GPM6B: variants seen among roughly 807,000 people sequenced by gnomAD.
GPM6B encodes glycoprotein M6B, also known as neuronal membrane glycoprotein M6-b.
Under a neutral mutation model 27.2 loss-of-function variants are expected in GPM6B, and 4 were observed. The observed-to-expected ratio is 0.15, with a 90% CI of 0.07 to 0.34. GPM6B has a LOEUF of 0.34. Ranked by LOEUF, GPM6B falls within the 10% of genes least tolerant of loss-of-function variation. GPM6B has a pLI of 1.00. For synonymous variants in GPM6B, 124 were observed against 103.1 expected (o/e 1.20, Z -1.23); for missense variants, 183 against 261.9 (o/e 0.70, Z 2.08).
chrX:13,824,477 T>C (rs1485005772), intron 1 of GPM6B, among the ~76,000 whole-genome samples: 1 of 111,814 alleles, frequency 8.9e-6, no homozygotes, highest in East Asian at 2.8e-4. Flanking sequence ...AATTCCAATA[T>C]GCAGCCAACT....
Position 13,865,542 on chromosome X carries a change from CAAAAAAAAAAAAA to C in GPM6B, c.-198+72772_-198+72784del, listed in dbSNP as rs1171503867. Among the ~76,000 whole-genome samples the C allele has an allele frequency of 7.5e-4, 11 of 14,630 alleles. No homozygotes were observed. In the South Asian group the frequency reaches 0.022, roughly 29 times the overall value. The allele number at this position is 14,630 out of a possible 115,157, so 12.7% of individuals were successfully genotyped here. A position where few individuals can be genotyped will look rare whatever the true frequency, so the allele number is the denominator to read the frequency against. On this transcript the variant is annotated intron_variant, in intron 1 of 6. Coordinates refer to the GPM6B transcript ENST00000398361. ...ACCACACGGTAAAAATCCATCTCTT[CAAAAAAAAAAAAA>C]AAAAAAAGAAAGAAAGAAAGAAAAG...
intron 1 of GPM6B, among the ~76,000 whole-genome samples, chrX:13,923,930 A>G (rs1921044596): frequency 8.9e-6 from 1 of 112,084 alleles, no homozygotes; most frequent in Non-Finnish European, 1.9e-5. Context: ...AAGTAAAAAT[A>G]TCTCATTTCA....
intron 7 of GPM6B, 105 bp from the exon 8 acceptor site, chrX:13,773,135 T>A (rs1332098115): frequency 1.5e-6 from 1 of 646,901 alleles, no homozygotes; most frequent in Non-Finnish European, 2.4e-6. Flanking sequence ...GAAGGTTAAT[T>A]CTGTATTAAT....
intron 1 of GPM6B, among the ~76,000 whole-genome samples, chrX:13,816,429 G>A (rs1246182661): frequency 9.0e-6 from 1 of 111,177 alleles, no homozygotes; most frequent in Non-Finnish European, 1.9e-5. Context: ...CAGCATTAGC[G>A]GAACCAAAGC....
chrX:13,834,860 C>T (rs2049478615), intron 1 of GPM6B, among the ~76,000 whole-genome samples: 1 of 112,137 alleles, frequency 8.9e-6, no homozygotes, highest in Non-Finnish European at 1.9e-5. Flanking sequence ...CAGTTCGAAA[C>T]ATCTTAGCTG....
At chrX:13,787,905 CTGGTT>C (rs2048643328) in intron 2 of GPM6B, among the ~76,000 whole-genome samples, 1 of 112,441 alleles carries the variant, frequency 8.9e-6, no homozygotes, top group African/African-American at 3.2e-5. Flanking sequence ...AAAGTTGTAT[CTGGTT>C]CTTAAAGGAT....
chrX:13,804,547 T>A (rs1603024557), intron 2 of GPM6B, among the ~76,000 whole-genome samples: 1 of 109,888 alleles, frequency 9.1e-6, no homozygotes, highest in East Asian at 2.8e-4. Flanking sequence ...AAGGAAAGAA[T>A]AACTATCTAA....
intron 1 of GPM6B, among the ~76,000 whole-genome samples, chrX:13,899,495 A>G (rs1305050347): frequency 9.0e-6 from 1 of 110,504 alleles, no homozygotes; most frequent in Non-Finnish European, 1.9e-5. Flanking sequence ...GTGGGGTGAT[A>G]AAAAATTAAA....
At chrX:13,799,900 G>A (rs2048889194) in intron 2 of GPM6B, among the ~76,000 whole-genome samples, 1 of 111,602 alleles carries the variant, frequency 9.0e-6, no homozygotes, top group Admixed American at 9.5e-5. Flanking sequence ...GACTGTGGCA[G>A]GCAGCTAAGA....
upstream of GPM6B, chrX:13,817,219 TG>T: frequency 3.9e-6 from 3 of 773,899 alleles, no homozygotes; most frequent in Non-Finnish European, 4.7e-6. Context: ...CAGTGGGAGT[TG>T]GGGGTAGGGG....
intron 6 of GPM6B, 128 bp downstream of exon 6, chrX:13,777,220 ATCTT>A (rs2048429976): frequency 8.0e-6 from 4 of 498,741 alleles, no homozygotes; most frequent in Non-Finnish European, 1.4e-5. Context: ...ATATAGCTCT[ATCTT>A]AAAGATTCTA....
intron 1 of GPM6B, among the ~76,000 whole-genome samples, chrX:13,865,559 A>AAAAAAAAAAAAAAAAAAGAAAG (rs34662549): frequency 5.7e-5 from 3 of 52,926 alleles, no homozygotes; most frequent in Non-Finnish European, 1.1e-4. Context: ...AAAAAAAAAA[A>AAAAAAAAAAAAAAAAAAGAAAG]AAAGAAAGAA....
chrX:13,852,607 T>C (rs1350041921), intron 1 of GPM6B, among the ~76,000 whole-genome samples: 1 of 110,687 alleles, frequency 9.0e-6, no homozygotes, highest in Non-Finnish European at 1.9e-5. Context: ...TTAATTCACA[T>C]GAGAAAACTT....
intron 1 of GPM6B, among the ~76,000 whole-genome samples, chrX:13,916,035 G>C (rs770109336): frequency 7.2e-5 from 8 of 111,848 alleles, no homozygotes; most frequent in Non-Finnish European, 1.5e-4. Context: ...TGAAAGGCTC[G>C]GCCGGATTTT....
intron 1 of GPM6B, among the ~76,000 whole-genome samples, chrX:13,809,443 G>T (rs1023806079): frequency 3.1e-4 from 34 of 111,311 alleles, no homozygotes; most frequent in African/African-American, 1.1e-3. Flanking sequence ...GTTATCTCAG[G>T]CTTCTTAAAA....
At chrX:13,864,632 C>G (rs1278485057) in intron 1 of GPM6B, among the ~76,000 whole-genome samples, 1 of 112,453 alleles carries the variant, frequency 8.9e-6, no homozygotes. Context: ...GAAATATACT[C>G]ACTCATCGGT....
chrX:13,780,970 G>A (rs774667301), intron 4 of GPM6B: 188 of 318,364 alleles, frequency 5.9e-4, no homozygotes, highest in Non-Finnish European at 8.4e-4. Context: ...CTGCAGAAAC[G>A]AGACACTTTC....
At chrX:13,834,165 G>A (rs2049471874) in intron 1 of GPM6B, among the ~76,000 whole-genome samples, 1 of 112,719 alleles carries the variant, frequency 8.9e-6, no homozygotes, top group Non-Finnish European at 1.9e-5. Flanking sequence ...TTTCCAGTCT[G>A]TAATCAGGAT....
intron 7 of GPM6B, chrX:13,774,485 T>C (rs2048370277): frequency 8.3e-7 from 1 of 1,205,526 alleles, no homozygotes; most frequent in African/African-American, 1.7e-5. Flanking sequence ...TGCTTTAGTC[T>C]GGAGTGTCAG....
Sources: gnomAD v4.1 joint callset for allele counts (sites outside exome capture counted in the v4.1 genomes callset) on GRCh38, gnomAD v4.1.1 for gene constraint, MANE v1.5 for transcripts, NCBI Gene and HGNC (gene_info 2026-07-23, HGNC 2026-07-21) for gene names.